Variants in USH2A observed in about 807,000 individuals in gnomAD.
The protein encoded by USH2A is usherin.
A neutral mutation model predicts 538.9 loss-of-function variants in USH2A; 443 were observed. That is an observed-to-expected ratio of 0.82 (90% CI 0.76 to 0.89). The LOEUF is 0.89. USH2A is among the 40% of genes least tolerant of loss of function. The pLI, the probability that USH2A is intolerant of heterozygous loss-of-function variation, is 0.00. For missense variants in USH2A, 6,633 were observed against 6,324.8 expected, an observed-to-expected ratio of 1.05 and a Z score of -1.65; for synonymous variants, 2,413 against 2,273.5, an observed-to-expected ratio of 1.06 and a Z score of -1.75.
intron 61 of USH2A, among the ~76,000 whole-genome samples, chr1:215,689,162 C>T (rs11120601): frequency 0.38 from 57,162 of 151,828 alleles, 10,869 homozygotes; most frequent in South Asian, 0.56. Context: ...GAAGGAACAA[C>T]TTTGGTCTTG....
chr1:216,298,997 C>T (rs531347876), intron 9 of USH2A, among the ~76,000 whole-genome samples: 3 of 152,164 alleles, frequency 2.0e-5, no homozygotes, highest in East Asian at 1.9e-4. Context: ...CCTGCCACCA[C>T]GCCCGGCTAA....
intron 55 of USH2A, among the ~76,000 whole-genome samples, chr1:215,771,579 CAAAAAAAAAAAAAAAAAAAAAAAAAA>C (rs759067576): frequency 4.1e-4 from 18 of 44,004 alleles, no homozygotes; most frequent in East Asian, 3.4e-3. Context: ...GACTCCGTCT[CAAAAAAAAAAAAAAAAAAAAAAAAAA>C]AAAAAAAAAA....
chr1:215,656,113 G>C (rs1362940993), intron 64 of USH2A, among the ~76,000 whole-genome samples: 1 of 152,182 alleles, frequency 6.6e-6, no homozygotes, highest in Non-Finnish European at 1.5e-5. Context: ...GGGACAAATA[G>C]ATATTAAAAA....
At chr1:215,826,290 G>C (rs1558115793) in intron 47 of USH2A, among the ~76,000 whole-genome samples, 1 of 152,154 alleles carries the variant, frequency 6.6e-6, no homozygotes, top group Non-Finnish European at 1.5e-5. Flanking sequence ...CAAGTGATCA[G>C]CTATAAAGGG....
chr1:216,142,515 G>A lies in USH2A; in HGVS notation c.4627+32737C>T, dbSNP rs570885387. Among the ~76,000 whole-genome samples, 4 of 152,250 alleles carry A rather than the reference G, an allele frequency of 2.6e-5. No homozygotes were observed. In the South Asian group the frequency reaches 8.3e-4, roughly 32 times the overall value. On this transcript the variant is annotated intron_variant, in intron 21 of 71. Transcript: ENST00000307340. Reference sequence around the variant, plus strand: ...GAAGAGTTGGCTTTTAGTCCTGCTTGTCTAATCCTATGCACTTAGCAGTTT... The same window carrying A: ...GAAGAGTTGGCTTTTAGTCCTGCTTATCTAATCCTATGCACTTAGCAGTTT...
intron 64 of USH2A, among the ~76,000 whole-genome samples, chr1:215,651,715 GA>G (rs1235941511): frequency 6.6e-6 from 1 of 151,242 alleles, no homozygotes; most frequent in African/African-American, 2.4e-5. Context: ...ATTTGTGGGG[GA>G]AAAAAAGAAA....
rs1453427244 is a variant in USH2A at position 215,962,026 on chromosome 1, A to C, written c.7120+3291T>G. ...CAAAAGATACAAATGAAGCATTCAC[A>C]AAAAAAAGAAACACAGTTTTTAAAC... is the stretch of plus-strand genomic sequence containing the variant. On this transcript the variant is annotated intron_variant, in intron 37 of 71. Coordinates refer to ENST00000307340, the MANE Select transcript of USH2A (RefSeq NM_206933.4). Among the ~76,000 whole-genome samples the C allele has an allele frequency of 2.6e-5, 4 of 151,768 alleles. No individual in the cohort carries two copies. The South Asian group carries it at 8.3e-4, about 31-fold the overall frequency.
intron 35 of USH2A, among the ~76,000 whole-genome samples, chr1:215,983,588 T>C (rs1667804755): frequency 6.6e-6 from 1 of 152,040 alleles, no homozygotes; most frequent in Admixed American, 6.6e-5. Context: ...AGAAAGTCAT[T>C]TTAAATTTAT....
At chr1:215,958,022 A>C (rs1452824481) in intron 37 of USH2A, among the ~76,000 whole-genome samples, 1 of 152,152 alleles carries the variant, frequency 6.6e-6, no homozygotes, top group African/African-American at 2.4e-5. Flanking sequence ...CTATAAAACA[A>C]AGCTGTCCCT....
rs2037708972 is a variant in USH2A, at chr1:216,325,389, T to A, written c.1059A>T (p.Ser353=). ...TGTTTGTAAACACATTTGAAACCCA[T>A]GAAGTACCAACATCATTATCATTGA... ...SFVNDNDVGT[S]WVSNVFTNIT... Residue 353 remains serine (S), a synonymous_variant, in exon 6 of 72, where the codon TCA becomes TCT. Coordinates refer to ENST00000307340, the MANE Select transcript of USH2A (RefSeq NM_206933.4). 1 of 1,613,914 alleles carries A rather than the reference T, an allele frequency of 6.2e-7. No homozygotes were observed. The highest frequency in any genetic ancestry group is 1.3e-5 in the African/African-American group (1 of 75,030).
chr1:216,099,043 A>G (rs1231716412), intron 21 of USH2A, among the ~76,000 whole-genome samples: 1 of 152,190 alleles, frequency 6.6e-6, no homozygotes, highest in Admixed American at 6.6e-5. Flanking sequence ...GTTCTAAGTC[A>G]TTTTTAGAGT....
intron 27 of USH2A, among the ~76,000 whole-genome samples, chr1:216,077,270 A>G (rs17026043): frequency 0.024 from 3,588 of 152,200 alleles, 150 homozygotes; most frequent in African/African-American, 0.08. Flanking sequence ...TTAACTTCTC[A>G]CCTAAATTGT....
Position 215,674,082 on chromosome 1 carries a change from C to T in USH2A, c.13811+18G>A, listed in dbSNP as rs375499179. On this transcript the variant is annotated intron_variant, in intron 63 of 71. Transcript: ENST00000307340. Reference sequence around the variant, plus strand: ...CAGCAGTGGCTTACTCTCAGAAAACCGAGACATGGCTACCTACCTGTGAAA... The same window carrying T: ...CAGCAGTGGCTTACTCTCAGAAAACTGAGACATGGCTACCTACCTGTGAAA... The T allele has an allele frequency of 1.5e-5, 25 of 1,613,680 alleles. No homozygotes were observed. The highest frequency in any genetic ancestry group is 1.6e-4 in the Middle Eastern group (1 of 6,082).
intron 50 of USH2A, among the ~76,000 whole-genome samples, chr1:215,797,108 A>G (rs998130214): frequency 6.6e-6 from 1 of 152,170 alleles, no homozygotes; most frequent in Non-Finnish European, 1.5e-5. Flanking sequence ...TCTGGATAGA[A>G]GATCAAATCA....
At chr1:216,361,626 G>A (rs1358758356) in intron 4 of USH2A, among the ~76,000 whole-genome samples, 1 of 152,100 alleles carries the variant, frequency 6.6e-6, no homozygotes, top group African/African-American at 2.4e-5. Context: ...TGGCAAATAA[G>A]CACATGAAAA....
intron 21 of USH2A, among the ~76,000 whole-genome samples, chr1:216,099,374 T>C (rs1354358841): frequency 6.6e-6 from 1 of 152,140 alleles, no homozygotes; most frequent in Non-Finnish European, 1.5e-5. Flanking sequence ...TCAAACACAC[T>C]TGGACTCCTG....
intron 70 of USH2A, among the ~76,000 whole-genome samples, chr1:215,630,482 G>GTGTA (rs1293184920): frequency 2.4e-3 from 53 of 22,542 alleles, no homozygotes; most frequent in South Asian, 3.6e-3. Flanking sequence ...ATGTGTGTGT[G>GTGTA]TATATATATA....
At chr1:216,340,745 C>A (rs1280512958) in intron 4 of USH2A, among the ~76,000 whole-genome samples, 2 of 152,028 alleles carry the variant, frequency 1.3e-5, no homozygotes, top group Non-Finnish European at 2.9e-5. Context: ...ATGACAAAAT[C>A]ACGTGATCAT....
intron 43 of USH2A, among the ~76,000 whole-genome samples, chr1:215,870,003 T>G (rs1209976895): frequency 6.6e-6 from 1 of 152,068 alleles, no homozygotes; most frequent in Non-Finnish European, 1.5e-5. Flanking sequence ...GGCTTTAGAG[T>G]TTATCTGCTA....
Sources: gnomAD v4.1 joint callset for allele counts (sites outside exome capture counted in the v4.1 genomes callset) on GRCh38, gnomAD v4.1.1 for gene constraint, MANE v1.5 for transcripts, NCBI Gene and HGNC (gene_info 2026-07-23, HGNC 2026-07-21) for gene names.